LAMA2: variants seen among roughly 807,000 people sequenced by gnomAD.
The protein encoded by LAMA2 is laminin subunit alpha-2.
Under a neutral mutation model 364.8 loss-of-function variants are expected in LAMA2, and 269 were observed. The ratio of observed to expected loss-of-function variants is 0.74; its 90% CI spans 0.67 to 0.82. The LOEUF is 0.82. Ranked by LOEUF, LAMA2 falls within the 40% of genes least tolerant of loss-of-function variation. The pLI is 0.00. For synonymous variants in LAMA2, 1,379 were observed against 1,370.6 expected, an observed-to-expected ratio of 1.01 and a Z score of -0.14; for missense variants, 3,807 against 3,873.2, an observed-to-expected ratio of 0.98 and a Z score of 0.45.
At chr6:129,351,436 C>A (rs931112714) in intron 31 of LAMA2, among the ~76,000 whole-genome samples, 1 of 152,080 alleles carries the variant, frequency 6.6e-6, no homozygotes, top group African/African-American at 2.4e-5. Context: ...TTTTTCCAGT[C>A]CTCAAACATT....
chr6:129,106,083 G>C (rs1775803832), intron 4 of LAMA2, among the ~76,000 whole-genome samples: 1 of 151,566 alleles, frequency 6.6e-6, no homozygotes, highest in East Asian at 1.9e-4. Flanking sequence ...GATTCACTTT[G>C]ATTCTGCTTT....
At chr6:129,346,582 A>G (rs1776567043) in intron 30 of LAMA2, among the ~76,000 whole-genome samples, 1 of 150,840 alleles carries the variant, frequency 6.6e-6, no homozygotes. Flanking sequence ...TCTCACACAG[A>G]ATTGTAAATT....
chr6:128,913,908 G>T (rs974973927), intron 1 of LAMA2, among the ~76,000 whole-genome samples: 1 of 152,050 alleles, frequency 6.6e-6, no homozygotes, highest in African/African-American at 2.4e-5. Context: ...TACCTTTTGA[G>T]GGTATCTGTA....
intron 40 of LAMA2, among the ~76,000 whole-genome samples, chr6:129,417,906 A>C (rs1308382332): frequency 2.0e-5 from 3 of 152,162 alleles, no homozygotes; most frequent in Non-Finnish European, 4.4e-5. Context: ...AGGAGCGGGC[A>C]CTTCTGAGCC....
intron 51 of LAMA2, among the ~76,000 whole-genome samples, chr6:129,471,341 T>C (rs1408815551): frequency 6.6e-6 from 1 of 152,004 alleles, no homozygotes; most frequent in Non-Finnish European, 1.5e-5. Context: ...ATCCTGTCTC[T>C]CTGCCAGTTA....
chr6:129,091,946 G>A (rs528067671), intron 3 of LAMA2, among the ~76,000 whole-genome samples: 50 of 152,308 alleles, frequency 3.3e-4, no homozygotes, highest in African/African-American at 8.9e-4. Context: ...TTCTGAGATT[G>A]CCTACACATT....
chr6:129,488,592 C>T (rs1191431884), intron 56 of LAMA2, among the ~76,000 whole-genome samples: 1 of 152,186 alleles, frequency 6.6e-6, no homozygotes, highest in Non-Finnish European at 1.5e-5. Context: ...TCACTGGAAA[C>T]CAGTCATTTA....
chr6:129,148,231 T>G (rs1314385811), intron 6 of LAMA2, among the ~76,000 whole-genome samples: 2 of 152,036 alleles, frequency 1.3e-5, no homozygotes, highest in Non-Finnish European at 1.5e-5. Context: ...GAAACCATGG[T>G]CCTCAGGAAA....
chr6:129,171,430 A>G (rs1230087639), intron 9 of LAMA2, among the ~76,000 whole-genome samples: 2 of 151,616 alleles, frequency 1.3e-5, no homozygotes, highest in Non-Finnish European at 3.0e-5. Flanking sequence ...TCCTTCGCTT[A>G]TGAAGCTTAG....
At chr6:129,408,522 G>A (rs1189288366) in intron 40 of LAMA2, among the ~76,000 whole-genome samples, 3 of 152,168 alleles carry the variant, frequency 2.0e-5, no homozygotes, top group African/African-American at 7.2e-5. Context: ...ACTCTTGGCA[G>A]AAACATTGGG....
chr6:129,068,115 T>C (rs1466892779), intron 3 of LAMA2, among the ~76,000 whole-genome samples: 2 of 152,192 alleles, frequency 1.3e-5, no homozygotes, highest in East Asian at 3.8e-4. Flanking sequence ...TAGGAAGCAT[T>C]CAATGTGTTT....
chr6:129,392,724 G>T (rs1779387686), intron 36 of LAMA2, among the ~76,000 whole-genome samples: 1 of 152,150 alleles, frequency 6.6e-6, no homozygotes, highest in Non-Finnish European at 1.5e-5. Flanking sequence ...CAAGTGGATT[G>T]TTTGATTTTG....
At position 129,205,478 on chromosome 6, in the gene LAMA2, G is replaced by GTATATATATATA. The variant is rs749614184; in HGVS notation, c.1782+12630_1782+12641dup. Among the ~76,000 whole-genome samples, 294 of 116,170 alleles carry GTATATATATATA rather than the reference G, an allele frequency of 2.5e-3. 5 individuals are homozygous for GTATATATATATA. Among genetic ancestry groups the GTATATATATATA allele is most frequent in the African/African-American group, 0.012 (254 of 21,922 alleles). 76.2% of individuals were successfully genotyped at this position (116,170 alleles called of 152,430 possible). A position where few individuals can be genotyped will look rare whatever the true frequency, so the allele number is the denominator to read the frequency against. ...TCTCTTCTGGGAATTTATTCTGTAA[G>GTATATATATATA]TATATATATATATATACACACACAC... On this transcript the variant is annotated intron_variant, in intron 12 of 64. Coordinates refer to ENST00000421865, the MANE Select transcript of LAMA2 (RefSeq NM_000426.4).
At position 129,346,264 on chromosome 6, in the gene LAMA2, C is replaced by T. The variant is rs150602816; in HGVS notation, c.4437-3034C>T. On this transcript the variant is annotated intron_variant, in intron 30 of 64. Coordinates refer to ENST00000421865, the MANE Select transcript of LAMA2 (RefSeq NM_000426.4). ...CCCTCAACTCCATTCTATATAATGCCAAGTTTGGCATTTCTTGCACTTATC... is the reference window on the plus strand; with the variant it reads ...CCCTCAACTCCATTCTATATAATGCTAAGTTTGGCATTTCTTGCACTTATC... 1.4e-4 allele frequency among the ~76,000 whole-genome samples: 22 copies of T among 152,226 alleles called. No homozygotes were observed. In the East Asian group the frequency reaches 4.2e-3, roughly 29 times the overall value.
At chr6:129,317,514 A>G (rs1562453203) in intron 27 of LAMA2, among the ~76,000 whole-genome samples, 1 of 152,120 alleles carries the variant, frequency 6.6e-6, no homozygotes, top group African/African-American at 2.4e-5. Context: ...TAAATTAAGG[A>G]CCAAAATTCA....
chr6:129,316,588 G>A (rs532113869), intron 27 of LAMA2, among the ~76,000 whole-genome samples: 1 of 152,264 alleles, frequency 6.6e-6, no homozygotes, highest in East Asian at 1.9e-4. Flanking sequence ...ATTCTAATCT[G>A]TTCACCCCAG....
chr6:129,441,531 C>T (rs2114766917), intron 43 of LAMA2, among the ~76,000 whole-genome samples: 1 of 152,048 alleles, frequency 6.6e-6, no homozygotes, highest in South Asian at 2.1e-4. Context: ...TTTCTAAAGA[C>T]TATTCACATC....
intron 1 of LAMA2, among the ~76,000 whole-genome samples, chr6:128,989,087 C>T (rs1377842584): frequency 1.3e-5 from 2 of 152,062 alleles, no homozygotes; most frequent in African/African-American, 4.8e-5. Context: ...TTTAAGTCTG[C>T]CTTCTCTAAT....
At chr6:129,219,777 T>G (rs1161112184) in intron 12 of LAMA2, among the ~76,000 whole-genome samples, 1 of 110,496 alleles carries the variant, frequency 9.1e-6, no homozygotes, top group African/African-American at 3.5e-5. Flanking sequence ...AATTGAACAA[T>G]GAGAACACAT....
Sources: gnomAD v4.1 joint callset for allele counts (sites outside exome capture counted in the v4.1 genomes callset) on GRCh38, gnomAD v4.1.1 for gene constraint, MANE v1.5 for transcripts, NCBI Gene and HGNC (gene_info 2026-07-23, HGNC 2026-07-21) for gene names.